The following XIRP2 variants were observed in gnomAD, a reference collection of about 807,000 sequenced individuals.
XIRP2 encodes the protein xin actin binding repeat containing 2, also known as xin actin-binding repeat-containing protein 2.
In XIRP2, 236 loss-of-function variants were observed where a neutral mutation model predicts 277.0. That is an observed-to-expected ratio of 0.85 (90% CI 0.77 to 0.95). The LOEUF (loss-of-function observed/expected upper bound fraction) is 0.95. Ranked by LOEUF, XIRP2 falls within the 40% of genes least tolerant of loss-of-function variation. The pLI, the probability that XIRP2 is intolerant of heterozygous loss-of-function variation, is 0.00. For missense variants in XIRP2, 4,640 were observed against 4,157.5 expected (o/e 1.12, Z -3.19); for synonymous variants, 1,490 against 1,416.5 (o/e 1.05, Z -1.17).
chr2:167,022,954 C>A (rs1021603561), intron 2 of XIRP2, among the ~76,000 whole-genome samples: 12 of 152,148 alleles, frequency 7.9e-5, no homozygotes, highest in Admixed American at 1.3e-4. Flanking sequence ...ATTTATAGTC[C>A]TTTGGGTATA....
At chr2:166,965,532 G>A (rs1187074451) in intron 2 of XIRP2, among the ~76,000 whole-genome samples, 1 of 151,762 alleles carries the variant, frequency 6.6e-6, no homozygotes, top group African/African-American at 2.4e-5. Flanking sequence ...ATACTCAATT[G>A]TCTTCTTATA....
At chr2:167,052,218 A>G (rs1436463565) in intron 2 of XIRP2, among the ~76,000 whole-genome samples, 1 of 152,092 alleles carries the variant, frequency 6.6e-6, no homozygotes, top group African/African-American at 2.4e-5. Context: ...CTTTTTTTAC[A>G]TAACTAAGAA....
rs577945012 is a variant in XIRP2 at position 167,063,037 on chromosome 2, T to C, written c.409-72872T>C. Among the ~76,000 whole-genome samples the C allele has an allele frequency of 7.2e-5, 11 of 152,160 alleles. No homozygotes were observed. In the South Asian group the frequency reaches 1.7e-3, roughly 23 times the overall value. ...AGTTTGTAGGCAAACACTTCTAACA[T>C]TGATTTGAGACTATTCTTATTCTCT... On this transcript the variant is annotated intron_variant, in intron 2 of 10. Coordinates refer to ENST00000409195, the MANE Select transcript of XIRP2 (RefSeq NM_152381.6).
rs768081610 is a variant in XIRP2 at position 167,251,053 on chromosome 2, C to T, written c.9661C>T (p.Leu3221Phe). ...TGAAATCATCATGTCTCCTGCAACA[C>T]TTCGTCGTCAAATTAAGATAGAAAC... ...RSEIIMSPAT[L>F]RRQIKIETRG... The change falls in exon 9 of 11, where the codon CTT (leucine) becomes TTT (phenylalanine). Residue 3221 changes from leucine to phenylalanine, a missense_variant. Coordinates refer to ENST00000409195, the MANE Select transcript of XIRP2 (RefSeq NM_152381.6). 3.5e-5 allele frequency: 56 copies of T among 1,613,554 alleles called. No homozygotes were observed. The highest frequency in any genetic ancestry group is 4.2e-5 in the Non-Finnish European group (50 of 1,179,744).
At chr2:167,112,617 C>CTA (rs745426763) in intron 2 of XIRP2, among the ~76,000 whole-genome samples, 3 of 148,040 alleles carry the variant, frequency 2.0e-5, no homozygotes, top group Non-Finnish European at 4.5e-5. Flanking sequence ...ATCTCTCTCT[C>CTA]TATATATTTT....
rs545310056 is a variant in XIRP2, at chr2:166,979,702, C to T, written c.408+75812C>T. On this transcript the variant is annotated intron_variant, in intron 2 of 10. Transcript: ENST00000409195. Reference sequence around the variant, plus strand: ...GAATTGTATTGACAGCTTTTTTAGTCTTAAGCAAACCTTGCATTTTAAAGA... The same window carrying T: ...GAATTGTATTGACAGCTTTTTTAGTTTTAAGCAAACCTTGCATTTTAAAGA... Among the ~76,000 whole-genome samples, 345 of 152,120 alleles carry T rather than the reference C, an allele frequency of 2.3e-3. 1 individual carries two copies. Among genetic ancestry groups the T allele is most frequent in the African/African-American group, 7.9e-3 (329 of 41,514 alleles).
intron 2 of XIRP2, among the ~76,000 whole-genome samples, chr2:167,061,898 A>C (rs773656835): frequency 3.3e-5 from 5 of 152,090 alleles, no homozygotes; most frequent in Non-Finnish European, 7.4e-5. Context: ...TGAACAAATA[A>C]ATTTCTGTTG....
intron 2 of XIRP2, among the ~76,000 whole-genome samples, chr2:167,110,528 G>C (rs151192856): frequency 6.6e-6 from 1 of 152,060 alleles, no homozygotes; most frequent in Admixed American, 6.6e-5. Flanking sequence ...ATTAGTCTAT[G>C]TGTCTGTCTG....
intron 2 of XIRP2, among the ~76,000 whole-genome samples, chr2:167,009,396 A>G (rs1687600897): frequency 6.6e-6 from 1 of 151,814 alleles, no homozygotes; most frequent in Non-Finnish European, 1.5e-5. Context: ...ACATGAACTC[A>G]TCATTTTTTA....
chr2:167,210,843 C>A lies in XIRP2; in HGVS notation c.671C>A (p.Ala224Glu). Residue 224 changes from alanine (A) to glutamate (E), a missense_variant, in exon 4 of 11, where the codon GCG becomes GAG. Physicochemically the swap from Ala to Glu is moderately radical, Grantham distance 107. Transcript: ENST00000409195. Reference sequence around the variant, plus strand: ...GTGGTCTCCCTGAAGGAGCGGATGGCGAGGTACCAGGCAGCTGTTTCCAGG... The same window carrying A: ...GTGGTCTCCCTGAAGGAGCGGATGGAGAGGTACCAGGCAGCTGTTTCCAGG... ...HEVVSLKERMARYQAAVSRGD... is the reference protein window; with the variant it reads ...HEVVSLKERMERYQAAVSRGD... The A allele has an allele frequency of 6.2e-7, 1 of 1,614,130 alleles. No individual in the cohort carries two copies. The highest frequency in any genetic ancestry group is 8.5e-7 in the Non-Finnish European group (1 of 1,180,020).
At chr2:167,010,963 G>T (rs999950069) in intron 2 of XIRP2, among the ~76,000 whole-genome samples, 12 of 152,146 alleles carry the variant, frequency 7.9e-5, no homozygotes, top group Non-Finnish European at 1.8e-4. Context: ...AGCTTAAGGA[G>T]ATTTTGGGCT....
At position 167,249,240 on chromosome 2, in the gene XIRP2, T is replaced by C. The variant is rs775829944; in HGVS notation, c.7848T>C (p.Ser2616=). Residue 2616 remains serine (S), a synonymous_variant, in exon 9 of 11, where the codon AGT becomes AGC. Transcript: ENST00000409195. ...TTCAACCCAGCCCAGGCTCTCAAAGTAATGCTCGGATACTAGGAGTGTGTT... is the reference window on the plus strand; with the variant it reads ...TTCAACCCAGCCCAGGCTCTCAAAGCAATGCTCGGATACTAGGAGTGTGTT... ...TVVQPSPGSQ[S]NARILGVCSD... 26 of 1,613,654 alleles carry C rather than the reference T, an allele frequency of 1.6e-5. No individual in the cohort carries two copies. The highest frequency in any genetic ancestry group is 3.3e-5 in the Admixed American group (2 of 59,952).
At chr2:166,974,210 C>T (rs1447940102) in intron 2 of XIRP2, among the ~76,000 whole-genome samples, 1 of 152,056 alleles carries the variant, frequency 6.6e-6, no homozygotes, top group Non-Finnish European at 1.5e-5. Flanking sequence ...CAAAGAGCTT[C>T]AATATCATTG....
intron 2 of XIRP2, among the ~76,000 whole-genome samples, chr2:167,029,806 T>C (rs1034534753): frequency 1.3e-5 from 2 of 152,156 alleles, no homozygotes; most frequent in African/African-American, 4.8e-5. Context: ...GTACCTCTGG[T>C]AGAATTCGGC....
intron 2 of XIRP2, among the ~76,000 whole-genome samples, chr2:167,033,560 C>T (rs964421109): frequency 2.0e-5 from 3 of 152,052 alleles, no homozygotes; most frequent in Non-Finnish European, 4.4e-5. Context: ...TAAGCCTACT[C>T]CATGGCATTT....
chr2:167,246,481 G>GA lies in XIRP2; in HGVS notation c.5093dup (p.Asn1698LysfsTer2). The GA allele has an allele frequency of 6.2e-7, 1 of 1,613,704 alleles. No homozygotes were observed. Among genetic ancestry groups the GA allele is most frequent in the Non-Finnish European group, 8.5e-7 (1 of 1,179,800 alleles). ...CATGACTATCTATTGTCTTCTTCAT[G>GA]AAAATGATGGTGACACAATTGAGCG... On this transcript the variant is annotated frameshift_variant, in exon 9 of 11. Coordinates refer to ENST00000409195, the MANE Select transcript of XIRP2 (RefSeq NM_152381.6). LOFTEE classifies it high-confidence loss of function.
intron 1 of XIRP2, among the ~76,000 whole-genome samples, chr2:166,899,635 A>G (rs1015089127): frequency 6.6e-6 from 1 of 152,122 alleles, no homozygotes; most frequent in African/African-American, 2.4e-5. Flanking sequence ...ATTTTGTTAG[A>G]CAAAGAATTT....
chr2:166,908,138 G>A (rs910249728), intron 2 of XIRP2, among the ~76,000 whole-genome samples: 2 of 152,112 alleles, frequency 1.3e-5, no homozygotes, highest in Non-Finnish European at 2.9e-5. Context: ...CCAATAATGG[G>A]ATGGCTGGGT....
intron 2 of XIRP2, among the ~76,000 whole-genome samples, chr2:166,939,693 A>AAAAAAC (rs1203988923): frequency 7.5e-6 from 1 of 133,450 alleles, no homozygotes. Flanking sequence ...AAAAAAAAAA[A>AAAAAAC]AAAAACAAAA....
Sources: gnomAD v4.1 joint callset for allele counts (sites outside exome capture counted in the v4.1 genomes callset) on GRCh38, gnomAD v4.1.1 for gene constraint, MANE v1.5 for transcripts, NCBI Gene and HGNC (gene_info 2026-07-23, HGNC 2026-07-21) for gene names.